Variants in RB1 observed in about 807,000 individuals in gnomAD.
RB1 encodes RB transcriptional corepressor 1, also known as retinoblastoma-associated protein.
RB1 carries 18 observed loss-of-function variants against 135.4 expected under a neutral mutation model. That is an observed-to-expected ratio of 0.13 (90% CI 0.09 to 0.20). RB1 has a LOEUF of 0.20. Among genes scored for constraint, RB1 ranks in the 10% least tolerant of loss-of-function variants. RB1 has a pLI of 1.00. For synonymous variants in RB1, 365 were observed against 373.2 expected (o/e 0.98, Z 0.25); for missense variants, 868 against 1,110.0 (o/e 0.78, Z 3.10).
chr13:48,316,855 C>A, intron 2 of RB1: 1 of 315,660 alleles, frequency 3.2e-6, no homozygotes, highest in South Asian at 5.4e-5. Flanking sequence ...AACTCGAGGG[C>A]TTAGACCTTC....
intron 2 of RB1, among the ~76,000 whole-genome samples, chr13:48,309,309 T>TA (rs780561070): frequency 2.6e-5 from 4 of 152,196 alleles, no homozygotes; most frequent in Non-Finnish European, 4.4e-5. Flanking sequence ...ATATCTGTTT[T>TA]TACTGATCTG....
chr13:48,345,280 C>T (rs1952482648), intron 4 of RB1, 81 bp downstream of exon 4: 20 of 1,469,978 alleles, frequency 1.4e-5, no homozygotes, highest in Non-Finnish European at 1.8e-5. Flanking sequence ...TTATTTAACA[C>T]ATTTAGTAAA....
chr13:48,455,517 A>G (rs1479367639), intron 18 of RB1, among the ~76,000 whole-genome samples: 1 of 152,226 alleles, frequency 6.6e-6, no homozygotes, highest in Non-Finnish European at 1.5e-5. Flanking sequence ...AGAAACATCC[A>G]TAGTAAGGTA....
chr13:48,328,085 G>A, intron 2 of RB1: 1 of 851,090 alleles, frequency 1.2e-6, no homozygotes, highest in Non-Finnish European at 2.0e-6. Context: ...TCATTTAATT[G>A]TCTTGGTCAT....
intron 24 of RB1, among the ~76,000 whole-genome samples, chr13:48,475,335 C>G (rs1421617825): frequency 8.8e-6 from 1 of 113,676 alleles, no homozygotes; most frequent in African/African-American, 3.0e-5. Flanking sequence ...TCTCCAAAGT[C>G]TGTGATCAAG....
intron 17 of RB1, among the ~76,000 whole-genome samples, chr13:48,403,340 C>G (rs1428661169): frequency 6.6e-6 from 1 of 151,902 alleles, no homozygotes; most frequent in Non-Finnish European, 1.5e-5. Context: ...ACAGAAGTGA[C>G]AAAAAAGACA....
chr13:48,371,966 G>A (rs1952763179), intron 11 of RB1, among the ~76,000 whole-genome samples: 1 of 152,196 alleles, frequency 6.6e-6, no homozygotes, highest in Non-Finnish European at 1.5e-5. Flanking sequence ...AACTGCGCAT[G>A]TGAGGGATCT....
Position 48,480,004 on chromosome 13 carries a change from C to T in RB1, c.2720C>T (p.Thr907Ile). 1 of 1,612,920 alleles carries T rather than the reference C, an allele frequency of 6.2e-7. No individual in the cohort carries two copies. The highest frequency in any genetic ancestry group is 8.5e-7 in the Non-Finnish European group (1 of 1,179,192). Residue 907 changes from threonine (T) to isoleucine (I), a missense_variant, in exon 27 of 27, where the codon ACT (threonine) becomes ATT (isoleucine). Thr to Ile is a moderately conservative substitution (Grantham distance 89). Transcript: ENST00000267163. ...TTCTTCATCCTTTTTCCAGCTTCTA[C>T]TCGAACACGAATGCAAAAGCAGAAA... Reference protein sequence around the residue: ...FQQKLAEMTSTRTRMQKQKMN... With the variant: ...FQQKLAEMTSIRTRMQKQKMN...
chr13:48,409,397 G>A (rs1948769746), intron 17 of RB1, among the ~76,000 whole-genome samples: 1 of 151,876 alleles, frequency 6.6e-6, no homozygotes. Flanking sequence ...CTCAAACCCA[G>A]AGAACAGCAA....
intron 2 of RB1, among the ~76,000 whole-genome samples, chr13:48,313,662 C>G (rs1352989228): frequency 6.6e-6 from 1 of 151,050 alleles, no homozygotes; most frequent in Non-Finnish European, 1.5e-5. Context: ...TGTTTTGGTG[C>G]CCTTGATGAA....
intron 4 of RB1, 92 bp downstream of exon 4, chr13:48,345,291 G>A: frequency 7.1e-7 from 1 of 1,399,168 alleles, no homozygotes; most frequent in South Asian, 1.2e-5. Flanking sequence ...ATTTAGTAAA[G>A]TTAGTAAGTA....
At chr13:48,339,258 C>T (rs1952418090) in intron 2 of RB1, among the ~76,000 whole-genome samples, 1 of 152,170 alleles carries the variant, frequency 6.6e-6, no homozygotes, top group Admixed American at 6.5e-5. Context: ...TCGGCTATGC[C>T]CTGCCCCCAG....
chr13:48,406,272 A>G (rs1948738844), intron 17 of RB1, among the ~76,000 whole-genome samples: 1 of 152,070 alleles, frequency 6.6e-6, no homozygotes, highest in South Asian at 2.1e-4. Context: ...TTTCATTCCC[A>G]CCAGAAATGT....
At chr13:48,317,440 CCA>C in intron 2 of RB1, 1 of 403,578 alleles carries the variant, frequency 2.5e-6, no homozygotes, top group Admixed American at 4.2e-5. Context: ...AGCCTGGGCT[CCA>C]GAGTCCCTTT....
chr13:48,444,058 G>A (rs1949263951), intron 17 of RB1, among the ~76,000 whole-genome samples: 1 of 152,068 alleles, frequency 6.6e-6, no homozygotes, highest in Admixed American at 6.6e-5. Flanking sequence ...TTCTGATACT[G>A]TCTACTTGGA....
At chr13:48,427,096 G>A (rs1459325621) in intron 17 of RB1, among the ~76,000 whole-genome samples, 1 of 152,172 alleles carries the variant, frequency 6.6e-6, no homozygotes, top group Non-Finnish European at 1.5e-5. Flanking sequence ...ATTCATGAGG[G>A]ATCCACCCCC....
At chr13:48,325,242 G>A (rs868655412) in intron 2 of RB1, among the ~76,000 whole-genome samples, 4 of 152,174 alleles carry the variant, frequency 2.6e-5, no homozygotes, top group Admixed American at 1.3e-4. Flanking sequence ...TTGGTTTTCT[G>A]TTCCTGCGTT....
At chr13:48,418,005 C>G (rs928835299) in intron 17 of RB1, among the ~76,000 whole-genome samples, 2 of 152,214 alleles carry the variant, frequency 1.3e-5, no homozygotes, top group Non-Finnish European at 2.9e-5. Flanking sequence ...GACAGGCCAA[C>G]ATTCCAATTC....
At chr13:48,333,889 G>GCTT (rs986152608) in intron 2 of RB1, among the ~76,000 whole-genome samples, 2 of 151,972 alleles carry the variant, frequency 1.3e-5, no homozygotes, top group African/African-American at 4.8e-5. Context: ...CCTTCAGGAT[G>GCTT]CTTACATATT....
Sources: allele counts gnomAD v4.1 joint callset (sites outside exome capture counted in the v4.1 genomes callset), GRCh38; gene constraint gnomAD v4.1.1; transcripts MANE v1.5; gene names NCBI Gene and HGNC (gene_info 2026-07-23, HGNC 2026-07-21).